METTL15: variants seen among roughly 807,000 people sequenced by gnomAD.
The protein encoded by METTL15 is methyltransferase 15, mitochondrial 12S rRNA N4-cytidine.
Under a neutral mutation model 38.3 loss-of-function variants are expected in METTL15, and 34 were observed. The observed-to-expected ratio is 0.89, with a 90% CI of 0.68 to 1.18. The LOEUF (loss-of-function observed/expected upper bound fraction) is 1.18, where lower values mean the gene tolerates loss of function less well. Ranked by LOEUF, METTL15 falls within the 50% of genes most tolerant of loss-of-function variation. The pLI is 0.00. For missense variants in METTL15, 438 were observed against 498.4 expected (o/e 0.88, Z 1.15); for synonymous variants, 162 against 170.9 (o/e 0.95, Z 0.41).
chr11:28,423,091 A>G (rs960897917), intron 5 of METTL15, among the ~76,000 whole-genome samples: 1 of 152,082 alleles, frequency 6.6e-6, no homozygotes, highest in African/African-American at 2.4e-5. Flanking sequence ...AAACAGGTAT[A>G]TAAAAATGTT....
At chr11:28,295,697 T>G (rs1856707024) in intron 5 of METTL15, among the ~76,000 whole-genome samples, 1 of 152,082 alleles carries the variant, frequency 6.6e-6, no homozygotes, top group Non-Finnish European at 1.5e-5. Context: ...AATCGGGGGA[T>G]AAGCCAAAGA....
intron 3 of METTL15, among the ~76,000 whole-genome samples, chr11:28,180,764 A>G (rs1851253458): frequency 6.6e-6 from 1 of 151,704 alleles, no homozygotes; most frequent in Non-Finnish European, 1.5e-5. Context: ...TGAAATACCA[A>G]TTTCCCCAGT....
At chr11:28,359,828 A>G (rs976059139) in intron 4 of METTL15, among the ~76,000 whole-genome samples, 7 of 152,218 alleles carry the variant, frequency 4.6e-5, no homozygotes, top group African/African-American at 1.7e-4. Flanking sequence ...ACACTGTGAT[A>G]TGAAATAACT....
intron 6 of METTL15, among the ~76,000 whole-genome samples, chr11:28,300,842 T>G (rs1856888205): frequency 6.6e-6 from 1 of 152,082 alleles, no homozygotes; most frequent in Non-Finnish European, 1.5e-5. Context: ...AGCTAAAGAG[T>G]TGGAGTTGTA....
At chr11:28,389,922 T>C (rs1309523958) in intron 5 of METTL15, among the ~76,000 whole-genome samples, 9 of 152,056 alleles carry the variant, frequency 5.9e-5, no homozygotes, top group Non-Finnish European at 1.3e-4. Flanking sequence ...ATGATTGCCA[T>C]TCTAACTGGT....
chr11:28,411,266 CA>C (rs1850721943), intron 5 of METTL15, among the ~76,000 whole-genome samples: 1 of 151,740 alleles, frequency 6.6e-6, no homozygotes, highest in Admixed American at 6.6e-5. Flanking sequence ...TATGGGACTA[CA>C]AAAAAATCGC....
chr11:28,213,682 G>C (rs1590168006), intron 4 of METTL15, among the ~76,000 whole-genome samples: 1 of 144,152 alleles, frequency 6.9e-6, no homozygotes, highest in South Asian at 2.2e-4. Context: ...TTGAGACGGA[G>C]TCTAGCTCTT....
rs530199029 is a variant in METTL15, at chr11:28,229,703, C to G, written c.407+18505C>G. Among the ~76,000 whole-genome samples the G allele has an allele frequency of 1.1e-4, 16 of 152,064 alleles. No individual in the cohort carries two copies. The East Asian group carries it at 3.1e-3, about 29-fold the overall frequency. ...GGCATTTTGATCTTGGACTTCCCAG[C>G]CTCTAGAACTATGAGAAATAAATTT... On this transcript the variant is annotated intron_variant, in intron 4 of 6. Transcript: ENST00000407364.
Position 28,160,182 on chromosome 11 carries a change from C to A in METTL15, c.270+46578C>A, listed in dbSNP as rs7935010. Among the ~76,000 whole-genome samples, 29 of 152,062 alleles carry A rather than the reference C, an allele frequency of 1.9e-4. No homozygotes were observed. The East Asian group carries it at 5.6e-3, about 29-fold the overall frequency. The stretch of plus-strand genomic sequence containing the variant: ...CGGACTCCGTGTTCTTCAGTTTTGG[C>A]ACTCGAACTGAGTTCCATGCAATAT... On this transcript the variant is annotated intron_variant, in intron 3 of 6. Transcript: ENST00000407364.
chr11:28,371,249 A>G (rs930859399), intron 5 of METTL15, among the ~76,000 whole-genome samples: 6 of 151,944 alleles, frequency 3.9e-5, no homozygotes, highest in African/African-American at 9.7e-5. Flanking sequence ...GCTTATGGTT[A>G]TCCAGTTTTC....
At chr11:28,205,402 C>G (rs1187109871) in intron 3 of METTL15, among the ~76,000 whole-genome samples, 1 of 152,002 alleles carries the variant, frequency 6.6e-6, no homozygotes, top group Non-Finnish European at 1.5e-5. Flanking sequence ...TGATAATTTC[C>G]AATTTCATCC....
At chr11:28,401,045 C>T (rs527515749) in intron 5 of METTL15, among the ~76,000 whole-genome samples, 27 of 152,056 alleles carry the variant, frequency 1.8e-4, no homozygotes, top group African/African-American at 6.3e-4. Context: ...AGCAAGTTTT[C>T]ATTAGAGCAA....
intron 3 of METTL15, among the ~76,000 whole-genome samples, chr11:28,206,035 A>G (rs1277723776): frequency 7.2e-6 from 1 of 139,336 alleles, no homozygotes; most frequent in Non-Finnish European, 1.5e-5. Flanking sequence ...AGGTTGCAAA[A>G]ATTTTCTGCC....
At chr11:28,165,981 T>C (rs926362501) in intron 3 of METTL15, among the ~76,000 whole-genome samples, 8 of 152,164 alleles carry the variant, frequency 5.3e-5, no homozygotes, top group Admixed American at 4.6e-4. Context: ...CTTTCTATTC[T>C]TTTCCATTGG....
intron 6 of METTL15, among the ~76,000 whole-genome samples, chr11:28,324,843 C>T (rs185272401): frequency 6.6e-6 from 1 of 152,244 alleles, no homozygotes; most frequent in Admixed American, 6.5e-5. Flanking sequence ...AAAGAACAAT[C>T]GGGGCCGTAG....
intron 3 of METTL15, among the ~76,000 whole-genome samples, chr11:28,114,531 AC>A (rs1476211994): frequency 6.7e-6 from 1 of 150,314 alleles, no homozygotes; most frequent in Non-Finnish European, 1.5e-5. Flanking sequence ...GCTCACTGCA[AC>A]CCCCGCCTCC....
chr11:28,330,748 G>A lies in METTL15; in HGVS notation c.1131G>A (p.Leu377=). The A allele has an allele frequency of 6.4e-7, 1 of 1,551,684 alleles. No homozygotes were observed. Among genetic ancestry groups the A allele is most frequent in the Non-Finnish European group, 8.7e-7 (1 of 1,146,834 alleles). Residue 377 remains leucine, a synonymous_variant, in exon 7 of 7, where the codon TTG becomes TTA. Coordinates refer to ENST00000407364, the MANE Select transcript of METTL15 (RefSeq NM_001113528.2). ...SMRRAPLMWE[L]IHKKVLSPQD... Reference sequence around the variant, plus strand: ...GAAGAGCTCCTTTAATGTGGGAATTGATACACAAGAAGGTACTTAGTCCAC... The same window carrying A: ...GAAGAGCTCCTTTAATGTGGGAATTAATACACAAGAAGGTACTTAGTCCAC...
chr11:28,459,889 T>C (rs1851200004), intron 6 of METTL15, among the ~76,000 whole-genome samples: 1 of 152,068 alleles, frequency 6.6e-6, no homozygotes, highest in South Asian at 2.1e-4. Context: ...TGTAGAGAAA[T>C]TTCTTGTGGC....
chr11:28,134,772 G>A (rs1224544024), intron 3 of METTL15: 14 of 390,320 alleles, frequency 3.6e-5, no homozygotes, highest in Admixed American at 4.5e-5. Flanking sequence ...ATATCAAAAC[G>A]AAACAAGGGG....
Sources: allele counts gnomAD v4.1 joint callset (sites outside exome capture counted in the v4.1 genomes callset), GRCh38; gene constraint gnomAD v4.1.1; transcripts MANE v1.5; gene names NCBI Gene and HGNC (gene_info 2026-07-23, HGNC 2026-07-21).